MAP2K2: variants seen among roughly 807,000 people sequenced by gnomAD.
The protein encoded by MAP2K2 is mitogen-activated protein kinase kinase 2.
Under a neutral mutation model 43.7 loss-of-function variants are expected in MAP2K2, and 24 were observed. That is an observed-to-expected ratio of 0.55 (90% CI 0.40 to 0.77). The LOEUF is 0.77. Among genes scored for constraint, MAP2K2 ranks in the 30% least tolerant of loss-of-function variants. MAP2K2 has a pLI of 0.00. For synonymous variants in MAP2K2, 244 were observed against 239.7 expected (o/e 1.02, Z -0.17); for missense variants, 470 against 566.8 (o/e 0.83, Z 1.73).
chr19:4,122,777 C>G (rs925195181), intron 1 of MAP2K2, among the ~76,000 whole-genome samples: 1 of 151,056 alleles, frequency 6.6e-6, no homozygotes, highest in African/African-American at 2.4e-5. Flanking sequence ...CACCCCATTT[C>G]ACTACTCAGA....
At chr19:4,096,893 T>G (rs2040926017) in intron 8 of MAP2K2, among the ~76,000 whole-genome samples, 1 of 151,992 alleles carries the variant, frequency 6.6e-6, no homozygotes, top group Non-Finnish European at 1.5e-5. Context: ...GGGAAGGAGC[T>G]GGGCTTGTGC....
chr19:4,118,557 C>G (rs2041256508), intron 1 of MAP2K2, among the ~76,000 whole-genome samples: 1 of 152,036 alleles, frequency 6.6e-6, no homozygotes, highest in Non-Finnish European at 1.5e-5. Flanking sequence ...CCAGCCTGGG[C>G]AGCAGAGGGA....
intron 9 of MAP2K2, 125 bp from the exon 10 acceptor site, chr19:4,094,623 G>C: frequency 1.1e-6 from 1 of 901,268 alleles, no homozygotes; most frequent in South Asian, 1.4e-5. Flanking sequence ...TCCGACCAGA[G>C]AGAGTGGCAC....
intron 7 of MAP2K2, among the ~76,000 whole-genome samples, chr19:4,098,612 CGT>C (rs1049643236): frequency 6.6e-6 from 1 of 152,200 alleles, no homozygotes; most frequent in African/African-American, 2.4e-5. Context: ...CTCTGACTGG[CGT>C]CAGGGAGCTC....
intron 3 of MAP2K2, 71 bp from the exon 4 acceptor site, chr19:4,102,524 C>T (rs2041029389): frequency 4.1e-6 from 5 of 1,211,846 alleles, no homozygotes; most frequent in Middle Eastern, 1.9e-4. Flanking sequence ...CGTCCCCCCA[C>T]TCCCGGCGAG....
At chr19:4,100,828 T>G (rs573819092) in intron 6 of MAP2K2, 191 bp downstream of exon 6, 1 of 669,356 alleles carries the variant, frequency 1.5e-6, no homozygotes, top group Admixed American at 2.4e-5. Flanking sequence ...TAGGAGTGTG[T>G]GCCCACGAAA....
At chr19:4,094,626 A>G in intron 9 of MAP2K2, 128 bp from the exon 10 acceptor site, 1 of 817,304 alleles carries the variant, frequency 1.2e-6, no homozygotes, top group Non-Finnish European at 2.0e-6. Flanking sequence ...GACCAGAGAG[A>G]GTGGCACAGA....
chr19:4,095,257 G>T, intron 9 of MAP2K2, 131 bp downstream of exon 9: 1 of 757,678 alleles, frequency 1.3e-6, no homozygotes, highest in Non-Finnish European at 2.2e-6. Context: ...GCTTCCCGTT[G>T]GGCTGAGTCC....
chr19:4,117,320 A>G, intron 2 of MAP2K2, 99 bp downstream of exon 2: 3 of 1,129,742 alleles, frequency 2.7e-6, no homozygotes, highest in Non-Finnish European at 3.9e-6. Context: ...CCTGGAGCTA[A>G]TCAGAATGCA....
At chr19:4,116,481 G>A (rs991739873) in intron 2 of MAP2K2, among the ~76,000 whole-genome samples, 5 of 151,862 alleles carry the variant, frequency 3.3e-5, no homozygotes, top group Admixed American at 2.6e-4. Flanking sequence ...AGTGAGCCAA[G>A]ATCGCACCAC....
At chr19:4,092,571 A>G (rs191419944) in intron 10 of MAP2K2, among the ~76,000 whole-genome samples, 126 of 152,244 alleles carry the variant, frequency 8.3e-4, no homozygotes, top group Admixed American at 1.5e-3. Context: ...CCTGGGCAAC[A>G]GAGCAAGACT....
At chr19:4,092,620 C>T (rs1288257781) in intron 10 of MAP2K2, among the ~76,000 whole-genome samples, 1 of 151,986 alleles carries the variant, frequency 6.6e-6, no homozygotes, top group Non-Finnish European at 1.5e-5. Context: ...AACATTAGTA[C>T]CCCTCTCTTT....
Position 4,102,387 on chromosome 19 carries a change from CT to C in MAP2K2, c.516del (p.Val173SerfsTer23). On this transcript the variant is annotated frameshift_variant, in exon 4 of 11. Transcript: ENST00000262948. LOFTEE classifies it high-confidence loss of function. ...AKRIPEEILG[K>X]VSIAVLRGLA... ...TGCGGTGGACTCACCGCGATGCTGACTTTCCCCAGGATCTCCTCGGGAATCC... is the reference window on the plus strand; with the variant it reads ...TGCGGTGGACTCACCGCGATGCTGACTTCCCCAGGATCTCCTCGGGAATCC... The C allele has an allele frequency of 6.2e-7, 1 of 1,603,088 alleles. No homozygotes were observed. Among genetic ancestry groups the C allele is most frequent in the Non-Finnish European group, 8.5e-7 (1 of 1,175,974 alleles).
intron 3 of MAP2K2, among the ~76,000 whole-genome samples, chr19:4,105,432 C>T (rs374422809): frequency 1.3e-5 from 2 of 151,978 alleles, no homozygotes; most frequent in East Asian, 1.9e-4. Flanking sequence ...CCACACTCGG[C>T]TAATTTTTTG....
intron 7 of MAP2K2, among the ~76,000 whole-genome samples, chr19:4,098,443 C>G (rs1384032165): frequency 6.6e-6 from 1 of 152,136 alleles, no homozygotes; most frequent in Admixed American, 6.5e-5. Context: ...GGTTTTAAAA[C>G]CAACCACAGT....
intron 7 of MAP2K2, among the ~76,000 whole-genome samples, chr19:4,098,091 C>A (rs888697907): frequency 1.3e-5 from 2 of 152,196 alleles, no homozygotes; most frequent in African/African-American, 2.4e-5. Context: ...GTGGCCTGTT[C>A]GTGTCATAAA....
chr19:4,118,506 G>A (rs2041255852), intron 1 of MAP2K2, among the ~76,000 whole-genome samples: 1 of 152,166 alleles, frequency 6.6e-6, no homozygotes, highest in Non-Finnish European at 1.5e-5. Flanking sequence ...TTGAACCCGG[G>A]AGGGGGAGAT....
intron 3 of MAP2K2, among the ~76,000 whole-genome samples, chr19:4,107,300 G>A (rs369627587): frequency 2.6e-5 from 4 of 151,964 alleles, no homozygotes; most frequent in East Asian, 1.9e-4. Flanking sequence ...AGAGGCAGGC[G>A]GATCACGAGG....
chr19:4,117,115 A>G (rs1376051345), intron 2 of MAP2K2, among the ~76,000 whole-genome samples: 5 of 152,210 alleles, frequency 3.3e-5, no homozygotes, highest in Admixed American at 6.5e-5. Context: ...CTGGAGAACC[A>G]TAACACACTC....
Sources: gnomAD v4.1 joint callset for allele counts (sites outside exome capture counted in the v4.1 genomes callset) on GRCh38, gnomAD v4.1.1 for gene constraint, MANE v1.5 for transcripts, NCBI Gene and HGNC (gene_info 2026-07-23, HGNC 2026-07-21) for gene names.